COL21A1: variants seen among roughly 807,000 people sequenced by gnomAD.
The protein encoded by COL21A1 is collagen type XXI alpha 1 chain, also known as collagen alpha-1(XXI) chain.
A neutral mutation model predicts 137.9 loss-of-function variants in COL21A1; 149 were observed. The observed-to-expected ratio is 1.08, with a 90% CI of 0.95 to 1.24. COL21A1 has a LOEUF of 1.24. Ranked by LOEUF, COL21A1 falls within the 50% of genes most tolerant of loss-of-function variation. The pLI is 0.00. For synonymous variants in COL21A1, 456 were observed against 391.5 expected, an observed-to-expected ratio of 1.16 and a Z score of -1.95; for missense variants, 1,167 against 1,158.4, an observed-to-expected ratio of 1.01 and a Z score of -0.11.
intron 1 of COL21A1, among the ~76,000 whole-genome samples, chr6:56,347,019 G>T (rs1765611761): frequency 6.6e-6 from 1 of 152,052 alleles, no homozygotes; most frequent in African/African-American, 2.4e-5. Flanking sequence ...TCAACTCCAG[G>T]TCTATCCAGT....
At chr6:56,178,855 G>A (rs989054813) in intron 3 of COL21A1, among the ~76,000 whole-genome samples, 2 of 151,950 alleles carry the variant, frequency 1.3e-5, no homozygotes, top group Non-Finnish European at 2.9e-5. Flanking sequence ...TTTTTAAAGT[G>A]CAATTTTAAC....
chr6:56,059,640 A>G (rs1765619748), intron 28 of COL21A1, among the ~76,000 whole-genome samples: 1 of 152,146 alleles, frequency 6.6e-6, no homozygotes, highest in African/African-American at 2.4e-5. Context: ...TTTTATCACA[A>G]AACTTATTTT....
chr6:56,233,097 A>T (rs1417494318), intron 1 of COL21A1, among the ~76,000 whole-genome samples: 1 of 151,826 alleles, frequency 6.6e-6, no homozygotes, highest in Non-Finnish European at 1.5e-5. Context: ...ATTTGTATCC[A>T]CAGTAATCTA....
intron 1 of COL21A1, among the ~76,000 whole-genome samples, chr6:56,327,068 C>T (rs1765111754): frequency 6.6e-6 from 1 of 151,950 alleles, no homozygotes; most frequent in South Asian, 2.1e-4. Context: ...AGTTAACATT[C>T]TAATTTGTAG....
chr6:56,303,393 C>G (rs887084456), intron 1 of COL21A1, among the ~76,000 whole-genome samples: 4 of 151,514 alleles, frequency 2.6e-5, no homozygotes, highest in South Asian at 2.1e-4. Flanking sequence ...TGTTTGTATC[C>G]TCTTTTATTT....
chr6:56,075,772 G>A (rs1352508815), intron 18 of COL21A1, among the ~76,000 whole-genome samples: 1 of 151,336 alleles, frequency 6.6e-6, no homozygotes, highest in Non-Finnish European at 1.5e-5. Flanking sequence ...TCTTTCAAAG[G>A]AAGACCTAGT....
At chr6:56,371,474 G>A (rs1010248982) in intron 1 of COL21A1, among the ~76,000 whole-genome samples, 3 of 152,174 alleles carry the variant, frequency 2.0e-5, no homozygotes, top group African/African-American at 4.8e-5. Context: ...CCAAGGTGAA[G>A]AGATATCGGC....
At chr6:56,334,575 C>A (rs1765297953) in intron 1 of COL21A1, among the ~76,000 whole-genome samples, 1 of 152,122 alleles carries the variant, frequency 6.6e-6, no homozygotes, top group African/African-American at 2.4e-5. Flanking sequence ...GGCTGCATGG[C>A]CAGCAAGAGG....
At chr6:56,383,216 T>G (rs2094011688) in intron 1 of COL21A1, among the ~76,000 whole-genome samples, 1 of 152,176 alleles carries the variant, frequency 6.6e-6, no homozygotes, top group Non-Finnish European at 1.5e-5. Context: ...GACAGCTGCC[T>G]TCTCCTTGGA....
intron 12 of COL21A1, among the ~76,000 whole-genome samples, chr6:56,138,346 TC>T (rs1774156442): frequency 1.3e-5 from 2 of 150,226 alleles, no homozygotes; most frequent in Non-Finnish European, 3.0e-5. Context: ...TACATTTATA[TC>T]CATATATGTT....
intron 1 of COL21A1, among the ~76,000 whole-genome samples, chr6:56,266,129 C>T (rs1380115233): frequency 6.6e-6 from 1 of 152,172 alleles, no homozygotes; most frequent in Non-Finnish European, 1.5e-5. Context: ...TTAATTAATG[C>T]TGATGACAAA....
At position 56,170,857 on chromosome 6, in the gene COL21A1, A is replaced by T; in HGVS notation, c.818T>A (p.Phe273Tyr). Residue 273 changes from phenylalanine (F) to tyrosine (Y), a missense_variant, in exon 5 of 30, where the codon TTC becomes TAC. Transcript: ENST00000244728. ...ATATGATGGAGGAAGACCTTCTGGG[A>T]AAACATTGCTAGAAAAAGAAGAGCA... ...VDLSELTSNV[F>Y]PEGLPPSYVF... 6.2e-7 allele frequency: 1 copy of T among 1,609,118 alleles called. No individual in the cohort carries two copies.
intron 1 of COL21A1, among the ~76,000 whole-genome samples, chr6:56,191,673 G>C (rs1778693185): frequency 9.6e-6 from 1 of 104,368 alleles, no homozygotes; most frequent in East Asian, 4.5e-4. Context: ...AAAATACCTA[G>C]GAATACAACT....
intron 1 of COL21A1, among the ~76,000 whole-genome samples, chr6:56,352,215 T>C (rs1312407455): frequency 6.6e-6 from 1 of 152,198 alleles, no homozygotes; most frequent in Non-Finnish European, 1.5e-5. Context: ...CTATGAATTA[T>C]TTTTCCTTTT....
At chr6:56,091,715 A>G (rs1312039475) in intron 17 of COL21A1, 1 of 152,354 alleles carries the variant, frequency 6.6e-6, no homozygotes, top group African/African-American at 2.4e-5. Context: ...TGCCATCAGG[A>G]TTGAGCACCA....
intron 1 of COL21A1, among the ~76,000 whole-genome samples, chr6:56,269,633 C>T (rs1270583427): frequency 3.7e-4 from 44 of 118,592 alleles, no homozygotes; most frequent in Admixed American, 1.4e-3. Flanking sequence ...CCAGCCTGGG[C>T]GACAGAGCGA....
chr6:56,108,481 TCA>T (rs1771144896), intron 16 of COL21A1, among the ~76,000 whole-genome samples: 1 of 151,770 alleles, frequency 6.6e-6, no homozygotes, highest in Admixed American at 6.6e-5. Flanking sequence ...AAGGTAAAAT[TCA>T]AGTGAAAAAT....
At chr6:56,144,080 C>T (rs1270541690) in intron 10 of COL21A1, among the ~76,000 whole-genome samples, 1 of 152,206 alleles carries the variant, frequency 6.6e-6, no homozygotes, top group African/African-American at 2.4e-5. Context: ...GAATCTCCTT[C>T]CCTCAACCAC....
At chr6:56,176,383 G>A (rs4715583) in intron 3 of COL21A1, among the ~76,000 whole-genome samples, 85,922 of 151,090 alleles carry the variant, frequency 0.57, 24,726 homozygotes, top group East Asian at 0.79. Context: ...CTGATAAGAG[G>A]TTAACATTCA....
Sources: allele counts gnomAD v4.1 joint callset (sites outside exome capture counted in the v4.1 genomes callset), GRCh38; gene constraint gnomAD v4.1.1; transcripts MANE v1.5; gene names NCBI Gene and HGNC (gene_info 2026-07-23, HGNC 2026-07-21).